The following PPP3CA variants were observed in gnomAD, a reference collection of about 807,000 sequenced individuals.
The protein encoded by PPP3CA is CAM-PRP catalytic subunit.
In PPP3CA, 14 loss-of-function variants were observed where a neutral mutation model predicts 66.5. That is an observed-to-expected ratio of 0.21 (90% CI 0.14 to 0.33). The LOEUF is 0.33. Ranked by LOEUF, PPP3CA falls within the 10% of genes least tolerant of loss-of-function variation. The pLI, the probability that PPP3CA is intolerant of heterozygous loss-of-function variation, is 1.00. For synonymous variants in PPP3CA, 232 were observed against 226.2 expected (o/e 1.03, Z -0.23); for missense variants, 317 against 639.5 (o/e 0.50, Z 5.44).
At chr4:101,262,733 A>G (rs549824366) in intron 1 of PPP3CA, among the ~76,000 whole-genome samples, 20 of 152,230 alleles carry the variant, frequency 1.3e-4, no homozygotes, top group Non-Finnish European at 2.1e-4. Context: ...TTTCAACTGT[A>G]TGTGTGCCTT....
chr4:101,083,257 C>A lies in PPP3CA; in HGVS notation c.789G>T (p.Pro263=), dbSNP rs182123502. The stretch of plus-strand genomic sequence containing the variant: ...TGTGCTGTAAGAATTCACATACAGC[C>A]GGGTAACTGCCAGAGACAAAAAGAA... The part of the protein sequence containing the change: ...VRGCSYFYSY[P]AVCEFLQHNN... Residue 263 remains proline, a synonymous_variant, in exon 7 of 14, where the codon CCG becomes CCT. Transcript: ENST00000394854. The A allele has an allele frequency of 1.9e-6, 3 of 1,607,896 alleles. No homozygotes were observed. Among genetic ancestry groups the A allele is most frequent in the South Asian group, 2.2e-5 (2 of 90,142 alleles).
chr4:101,325,586 C>T (rs948011190), intron 1 of PPP3CA, among the ~76,000 whole-genome samples: 1 of 152,170 alleles, frequency 6.6e-6, no homozygotes, highest in Admixed American at 6.5e-5. Flanking sequence ...GGGACTGTTC[C>T]TAACCCAGAG....
chr4:101,207,812 G>C (rs927033890), intron 1 of PPP3CA, among the ~76,000 whole-genome samples: 2 of 149,966 alleles, frequency 1.3e-5, no homozygotes, highest in African/African-American at 5.0e-5. Context: ...GTGACAGAGC[G>C]AGACTCCGTC....
chr4:101,222,067 T>C (rs539590277), intron 1 of PPP3CA, among the ~76,000 whole-genome samples: 12 of 151,668 alleles, frequency 7.9e-5, no homozygotes, highest in Non-Finnish European at 1.6e-4. Flanking sequence ...AAATAACTTG[T>C]ATTTAAATTT....
At chr4:101,040,800 A>T (rs1448796538) in intron 10 of PPP3CA, among the ~76,000 whole-genome samples, 1 of 152,160 alleles carries the variant, frequency 6.6e-6, no homozygotes, top group Non-Finnish European at 1.5e-5. Context: ...CGAGATATCC[A>T]GAGGGGAGGT....
intron 2 of PPP3CA, among the ~76,000 whole-genome samples, chr4:101,176,478 G>A (rs991009392): frequency 7.2e-5 from 11 of 152,168 alleles, no homozygotes; most frequent in Non-Finnish European, 1.3e-4. Context: ...GCCTAGTTCA[G>A]CACTTTCCAG....
chr4:101,209,166 C>A (rs1227970431), intron 1 of PPP3CA, among the ~76,000 whole-genome samples: 3 of 151,760 alleles, frequency 2.0e-5, no homozygotes, highest in Non-Finnish European at 4.4e-5. Flanking sequence ...TTTAACAGTC[C>A]AAAATGCAAT....
At chr4:101,072,627 T>A (rs566070725) in intron 8 of PPP3CA, among the ~76,000 whole-genome samples, 1 of 152,326 alleles carries the variant, frequency 6.6e-6, no homozygotes, top group Admixed American at 6.5e-5. Flanking sequence ...TGTTAGTTAT[T>A]ATTATATGCT....
intron 2 of PPP3CA, among the ~76,000 whole-genome samples, chr4:101,142,364 C>T (rs373927615): frequency 6.7e-4 from 102 of 152,196 alleles, no homozygotes; most frequent in African/African-American, 2.3e-3. Flanking sequence ...ATAAGAAAAT[C>T]GTGATATCGG....
intron 1 of PPP3CA, among the ~76,000 whole-genome samples, chr4:101,306,673 A>C (rs1728544873): frequency 6.6e-6 from 1 of 152,202 alleles, no homozygotes; most frequent in African/African-American, 2.4e-5. Flanking sequence ...AAAAAAATAA[A>C]CAAGCTGAGC....
At position 101,203,655 on chromosome 4, in the gene PPP3CA, G is replaced by T. The variant is rs546170097; in HGVS notation, c.59-7539C>A. Among the ~76,000 whole-genome samples the T allele has an allele frequency of 2.9e-3, 439 of 152,062 alleles. 6 individuals are homozygous for T. Among genetic ancestry groups the T allele is most frequent in the African/African-American group, 9.6e-3 (399 of 41,516 alleles). On this transcript the variant is annotated intron_variant, in intron 1 of 13. Coordinates refer to ENST00000394854, the MANE Select transcript of PPP3CA (RefSeq NM_000944.5). ...TATATATTTAAATATACTTATTTAT[G>T]TATATCTATTCTTTATCCTTCCCAT... is the stretch of plus-strand genomic sequence containing the variant.
intron 10 of PPP3CA, among the ~76,000 whole-genome samples, chr4:101,048,730 C>T (rs1727880904): frequency 6.6e-6 from 1 of 151,920 alleles, no homozygotes; most frequent in African/African-American, 2.4e-5. Flanking sequence ...ACATAATAGC[C>T]ACTCACTCCA....
In PPP3CA at chr4:101,063,194, C is replaced by G. The variant is rs756449398; in HGVS notation, c.1081+38G>C. The G allele has an allele frequency of 3.1e-6, 5 of 1,596,914 alleles. 1 individual carries two copies. The South Asian group carries it at 4.5e-5, about 14-fold the overall frequency. On this transcript the variant is annotated intron_variant, in intron 9 of 13. Transcript: ENST00000394854. ...TAATCTCCTTTCCTTCCTTCCTAAA[C>G]TATTTTAAGAAGAACATCTCAGGAT...
At chr4:101,342,862 T>C (rs1729860308) in intron 1 of PPP3CA, among the ~76,000 whole-genome samples, 1 of 152,194 alleles carries the variant, frequency 6.6e-6, no homozygotes, top group African/African-American at 2.4e-5. Context: ...TAAGTAGTAT[T>C]ATCAGTCTCA....
At chr4:101,278,573 T>C (rs1727583561) in intron 1 of PPP3CA, among the ~76,000 whole-genome samples, 1 of 152,220 alleles carries the variant, frequency 6.6e-6, no homozygotes, top group Admixed American at 6.5e-5. Flanking sequence ...AGGTGGAATA[T>C]TAACTTCATT....
intron 10 of PPP3CA, among the ~76,000 whole-genome samples, chr4:101,042,682 TTATC>T (rs1727578517): frequency 1.3e-5 from 2 of 152,154 alleles, no homozygotes; most frequent in Non-Finnish European, 2.9e-5. Context: ...ACAATATTAA[TTATC>T]TATGATTTGT....
chr4:101,126,412 C>A (rs1722247910), intron 2 of PPP3CA, among the ~76,000 whole-genome samples: 1 of 152,176 alleles, frequency 6.6e-6, no homozygotes, highest in South Asian at 2.1e-4. Context: ...AGTACAATTT[C>A]CATATTTCTC....
At chr4:101,036,056 T>C (rs1301876437) in intron 11 of PPP3CA, among the ~76,000 whole-genome samples, 1 of 152,192 alleles carries the variant, frequency 6.6e-6, no homozygotes, top group Non-Finnish European at 1.5e-5. Flanking sequence ...GTGCTGTAAG[T>C]GTAAAATACA....
chr4:101,237,576 CT>C (rs1205691756), intron 1 of PPP3CA, among the ~76,000 whole-genome samples: 64 of 152,144 alleles, frequency 4.2e-4, no homozygotes, highest in Admixed American at 1.2e-3. Context: ...TCTTACTCTA[CT>C]GGCTTTCATA....
Sources: allele counts gnomAD v4.1 joint callset (sites outside exome capture counted in the v4.1 genomes callset), GRCh38; gene constraint gnomAD v4.1.1; transcripts MANE v1.5; gene names NCBI Gene and HGNC (gene_info 2026-07-23, HGNC 2026-07-21).